The following RERE variants were observed in gnomAD, a reference collection of about 807,000 sequenced individuals.
The protein encoded by RERE is arginine-glutamic acid dipeptide repeats.
A neutral mutation model predicts 146.1 loss-of-function variants in RERE; 40 were observed. The ratio of observed to expected loss-of-function variants is 0.27; its 90% CI spans 0.21 to 0.36. RERE has a LOEUF of 0.36. RERE is among the 10% of genes least tolerant of loss of function. The probability of loss-of-function intolerance (pLI) is 1.00; values close to 1 mark genes in which losing one functional copy is unlikely to be tolerated. For missense variants in RERE, 1,933 were observed against 2,138.7 expected (o/e 0.90, Z 1.90); for synonymous variants, 1,003 against 866.0 (o/e 1.16, Z -2.78).
chr1:8,524,411 A>G (rs1421813069), intron 7 of RERE, among the ~76,000 whole-genome samples: 1 of 152,194 alleles, frequency 6.6e-6, no homozygotes, highest in Non-Finnish European at 1.5e-5. Flanking sequence ...TTCCACTAAA[A>G]TCAAGGGCCT....
chr1:8,481,399 C>A (rs570181056), intron 10 of RERE, among the ~76,000 whole-genome samples: 5 of 152,136 alleles, frequency 3.3e-5, no homozygotes, highest in Admixed American at 1.3e-4. Context: ...CATGCGTGAC[C>A]CACCGCACCC....
intron 2 of RERE, 97 bp downstream of exon 2, chr1:8,655,876 C>G: frequency 6.6e-7 from 1 of 1,513,418 alleles, no homozygotes; most frequent in Non-Finnish European, 8.8e-7. Context: ...GATTCCAAGC[C>G]TTCCTTAAAG....
At chr1:8,709,676 T>C (rs1432178021) in intron 1 of RERE, among the ~76,000 whole-genome samples, 13 of 152,204 alleles carry the variant, frequency 8.5e-5, no homozygotes, top group Non-Finnish European at 1.6e-4. Flanking sequence ...TTCTTGTTTA[T>C]TACTGCAAAG....
At chr1:8,503,026 C>A (rs1260589900) in intron 8 of RERE, among the ~76,000 whole-genome samples, 1 of 150,398 alleles carries the variant, frequency 6.6e-6, no homozygotes, top group Non-Finnish European at 1.5e-5. Flanking sequence ...CTTCCCTCCA[C>A]TATTGTCCTA....
chr1:8,606,175 C>G (rs1296465819), intron 4 of RERE, among the ~76,000 whole-genome samples: 1 of 152,032 alleles, frequency 6.6e-6, no homozygotes, highest in African/African-American at 2.4e-5. Context: ...CCACCAATTA[C>G]CATGTAATAT....
rs549944650 is a variant in RERE at position 8,707,129 on chromosome 1, G to A, written c.-144-50688C>T. On this transcript the variant is annotated intron_variant, in intron 1 of 22. Coordinates refer to ENST00000400908, the MANE Select transcript of RERE (RefSeq NM_001042681.2). ...CCAGCTCTCCGTTTCCATAACACCC[G>A]TCATTTATCAAAACAACCCTGTCAA... Among the ~76,000 whole-genome samples, 20 of 152,062 alleles carry A rather than the reference G, an allele frequency of 1.3e-4. No homozygotes were observed. In the South Asian group the frequency reaches 1.9e-3, roughly 14 times the overall value.
intron 11 of RERE, among the ~76,000 whole-genome samples, chr1:8,453,818 T>A (rs564370948): frequency 0.013 from 1,574 of 117,374 alleles, 26 homozygotes; most frequent in African/African-American, 0.045. Flanking sequence ...CAAAAAAAAA[T>A]TTTTTTTTAA....
Position 8,362,702 on chromosome 1 carries a change from G to A in RERE, c.1883C>T (p.Thr628Ile). The change falls in exon 16 of 23, where the codon ACA becomes ATA. Residue 628 changes from threonine to isoleucine, a missense_variant. By Grantham distance (89) the Thr-to-Ile change is moderately conservative. This residue lies in a region of RERE where 1,255 missense variants were observed against 1,153.8 expected (regional missense o/e 1.09). Coordinates refer to ENST00000400908, the MANE Select transcript of RERE (RefSeq NM_001042681.2). ...CCTGACCTTGGCCGACTTCTTCACT[G>A]TCTCTGCTTTACTGTCATTGCTGGA... is the stretch of plus-strand genomic sequence containing the variant. Reference protein sequence around the residue: ...STSSNDSKAETVKKSAKKVKE... With the variant: ...STSSNDSKAEIVKKSAKKVKE... The A allele has an allele frequency of 1.2e-6, 2 of 1,614,242 alleles. No individual in the cohort carries two copies. Among genetic ancestry groups the A allele is most frequent in the South Asian group, 2.2e-5 (2 of 91,090 alleles).
At chr1:8,699,854 A>AC (rs1639409804) in intron 1 of RERE, among the ~76,000 whole-genome samples, 1 of 151,422 alleles carries the variant, frequency 6.6e-6, no homozygotes, top group Non-Finnish European at 1.5e-5. Flanking sequence ...CTACCCAGCC[A>AC]CCCCCACGAG....
intron 1 of RERE, among the ~76,000 whole-genome samples, chr1:8,775,785 T>C (rs1222704976): frequency 1.3e-5 from 2 of 152,234 alleles, no homozygotes; most frequent in Non-Finnish European, 2.9e-5. Flanking sequence ...TTTCATCACT[T>C]AAGCTTTGCA....
At chr1:8,530,476 A>T (rs1261614103) in intron 7 of RERE, among the ~76,000 whole-genome samples, 2 of 152,176 alleles carry the variant, frequency 1.3e-5, no homozygotes, top group Non-Finnish European at 2.9e-5. Context: ...GTATTCATTA[A>T]CAAGAAACTT....
At chr1:8,786,412 A>G in intron 1 of RERE, 1 of 870,466 alleles carries the variant, frequency 1.1e-6, no homozygotes, top group Non-Finnish European at 1.9e-6. Context: ...ACCAAGAGAT[A>G]GAGCAATCAA....
intron 20 of RERE, among the ~76,000 whole-genome samples, chr1:8,357,112 C>CTT (rs1641327479): frequency 6.6e-6 from 1 of 152,236 alleles, no homozygotes; most frequent in Non-Finnish European, 1.5e-5. Flanking sequence ...CTTTCTGCCT[C>CTT]TCACAACGTG....
At chr1:8,415,294 A>C (rs1570182697) in intron 12 of RERE, among the ~76,000 whole-genome samples, 1 of 152,350 alleles carries the variant, frequency 6.6e-6, no homozygotes, top group Middle Eastern at 3.4e-3. Flanking sequence ...AAAATGGTGC[A>C]GACTATTTAG....
intron 3 of RERE, among the ~76,000 whole-genome samples, chr1:8,618,587 C>G (rs1223942704): frequency 6.6e-6 from 1 of 152,194 alleles, no homozygotes; most frequent in Non-Finnish European, 1.5e-5. Flanking sequence ...AATGTCCATA[C>G]ACTACACCTT....
At chr1:8,450,083 C>T (rs1644372543) in intron 11 of RERE, among the ~76,000 whole-genome samples, 1 of 152,084 alleles carries the variant, frequency 6.6e-6, no homozygotes, top group Non-Finnish European at 1.5e-5. Flanking sequence ...GAGAACAGTA[C>T]CTCCACGGTT....
chr1:8,788,713 C>T (rs1641305354), intron 1 of RERE, among the ~76,000 whole-genome samples: 1 of 150,946 alleles, frequency 6.6e-6, no homozygotes, highest in African/African-American at 2.4e-5. Context: ...CAAAGAAGTC[C>T]AACCTTTATA....
intron 7 of RERE, among the ~76,000 whole-genome samples, chr1:8,514,598 G>A (rs1377207770): frequency 1.3e-5 from 2 of 152,070 alleles, no homozygotes; most frequent in Admixed American, 1.3e-4. Flanking sequence ...ACCGGGTGGT[G>A]TGTGCCTGAA....
At chr1:8,475,100 G>C (rs1249876861) in intron 10 of RERE, among the ~76,000 whole-genome samples, 1 of 152,204 alleles carries the variant, frequency 6.6e-6, no homozygotes, top group African/African-American at 2.4e-5. Context: ...TTAGCCACGT[G>C]CAGTGGCTTA....
Sources: gnomAD v4.1 joint callset for allele counts (sites outside exome capture counted in the v4.1 genomes callset) on GRCh38, gnomAD v4.1.1 for gene constraint, gnomAD v4.1.1 regional missense constraint, MANE v1.5 for transcripts, NCBI Gene and HGNC (gene_info 2026-07-23, HGNC 2026-07-21) for gene names.